The following RIMBP2 variants were observed in gnomAD, a reference collection of about 807,000 sequenced individuals.
RIMBP2 encodes the protein RIMS binding protein 2.
In RIMBP2, 48 loss-of-function variants were observed where a neutral mutation model predicts 118.6. The observed-to-expected ratio is 0.40, with a 90% CI of 0.32 to 0.51. RIMBP2 has a LOEUF of 0.51. Among genes scored for constraint, RIMBP2 ranks in the 20% least tolerant of loss-of-function variants. The probability of loss-of-function intolerance (pLI) is 0.41; values close to 1 mark genes in which losing one functional copy is unlikely to be tolerated. For synonymous variants in RIMBP2, 762 were observed against 742.9 expected, an observed-to-expected ratio of 1.03 and a Z score of -0.42; for missense variants, 1,551 against 1,768.3, an observed-to-expected ratio of 0.88 and a Z score of 2.20.
At chr12:130,646,679 T>C (rs1477983827) in intron 1 of RIMBP2, among the ~76,000 whole-genome samples, 1 of 152,222 alleles carries the variant, frequency 6.6e-6, no homozygotes, top group African/African-American at 2.4e-5. Context: ...AAGCCCTATC[T>C]AAAACTTAAA....
intron 17 of RIMBP2, 128 bp from the exon 18 acceptor site, chr12:130,414,434 A>G (rs564021119): frequency 4.5e-6 from 4 of 882,412 alleles, no homozygotes; most frequent in Non-Finnish European, 6.9e-6. Flanking sequence ...TTTGTGTCTT[A>G]ACATGTAGGT....
Position 130,595,555 on chromosome 12 carries a change from T to A in RIMBP2, c.-217+32767A>T, listed in dbSNP as rs573096954. ...ACAGCGCAAGACTCCGTCTCAAAAA[T>A]AATAATAATAATAATAAAATAAAAA... On this transcript the variant is annotated intron_variant, in intron 2 of 22. Transcript: ENST00000690449. 3.3e-5 allele frequency among the ~76,000 whole-genome samples: 5 copies of A among 151,322 alleles called. No homozygotes were observed. The East Asian group carries it at 9.7e-4, about 29-fold the overall frequency.
intron 6 of RIMBP2, among the ~76,000 whole-genome samples, chr12:130,460,152 G>T (rs993782602): frequency 1.3e-5 from 2 of 152,136 alleles, no homozygotes; most frequent in South Asian, 4.2e-4. Context: ...CCCTGCACAG[G>T]GGCCGCTGTG....
chr12:130,673,796 A>G (rs2064308647), intron 1 of RIMBP2, among the ~76,000 whole-genome samples: 1 of 152,068 alleles, frequency 6.6e-6, no homozygotes, highest in Admixed American at 6.6e-5. Flanking sequence ...AGTTACTGTG[A>G]GAGCTGGTTG....
chr12:130,661,033 A>G (rs2063638106), intron 1 of RIMBP2, among the ~76,000 whole-genome samples: 1 of 152,248 alleles, frequency 6.6e-6, no homozygotes, highest in Non-Finnish European at 1.5e-5. Flanking sequence ...AGCCTGGCCA[A>G]CATGGCAAGA....
chr12:130,693,641 A>C (rs2065437931), intron 1 of RIMBP2, among the ~76,000 whole-genome samples: 1 of 152,196 alleles, frequency 6.6e-6, no homozygotes, highest in South Asian at 2.1e-4. Context: ...TCTCCTTTCT[A>C]ACAGAACCCA....
At chr12:130,399,130 C>G (rs770987875) in intron 22 of RIMBP2, 1 of 1,396,126 alleles carries the variant, frequency 7.2e-7, no homozygotes, top group Non-Finnish European at 9.4e-7. Context: ...GGCTACATTG[C>G]CTGATTAAGG....
At chr12:130,572,560 G>C (rs1278056585) in intron 2 of RIMBP2, among the ~76,000 whole-genome samples, 1 of 152,016 alleles carries the variant, frequency 6.6e-6, no homozygotes, top group African/African-American at 2.4e-5. Flanking sequence ...GAACTTGCTG[G>C]ATGATTCTAG....
chr12:130,670,321 C>T lies in RIMBP2; in HGVS notation c.-351-41865G>A, dbSNP rs994781614. On this transcript the variant is annotated intron_variant, in intron 1 of 22. Coordinates refer to ENST00000690449, the MANE Select transcript of RIMBP2 (RefSeq NM_001393629.1). This position sits in a 1 kb window ranked among gnomAD's most constrained non-coding sequence, Gnocchi z 4.9. ...TTTATGGTGATTTCTTACTGATGGA[C>T]GTTCTAGGAAGGCATGGAGAAGCGG... 4.6e-5 allele frequency among the ~76,000 whole-genome samples: 7 copies of T among 152,120 alleles called. No individual in the cohort carries two copies. Among genetic ancestry groups the T allele is most frequent in the African/African-American group, 1.2e-4 (5 of 41,438 alleles).
Position 130,450,298 on chromosome 12 carries a change from T to C in RIMBP2, c.505-22A>G. ...CCATCTGTGAAAAAGGCAATGGGTG[T>C]GTGGGTTATTGAAGCTGGAGGTGTC... On this transcript the variant is annotated intron_variant, in intron 8 of 22. Coordinates refer to ENST00000690449, the MANE Select transcript of RIMBP2 (RefSeq NM_001393629.1). The surrounding 1 kb of genome is among the most constrained non-coding windows in gnomAD (Gnocchi z 4.8). 6.3e-7 allele frequency: 1 copy of C among 1,575,578 alleles called. No individual in the cohort carries two copies. Among genetic ancestry groups the C allele is most frequent in the Non-Finnish European group, 8.7e-7 (1 of 1,151,092 alleles).
At chr12:130,507,314 G>A (rs1253165869) in intron 3 of RIMBP2, among the ~76,000 whole-genome samples, 1 of 152,148 alleles carries the variant, frequency 6.6e-6, no homozygotes. Flanking sequence ...CATCATTTGA[G>A]CACCCAAATC....
At chr12:130,543,891 T>C (rs1201376965) in intron 2 of RIMBP2, among the ~76,000 whole-genome samples, 1 of 152,252 alleles carries the variant, frequency 6.6e-6, no homozygotes, top group African/African-American at 2.4e-5. Context: ...TTTGGAAACC[T>C]GTCCTGCTAG....
chr12:130,438,494 A>G lies in RIMBP2; in HGVS notation c.1527T>C (p.Asp509=). 6.2e-7 allele frequency: 1 copy of G among 1,608,064 alleles called. No individual in the cohort carries two copies. Among genetic ancestry groups the G allele is most frequent in the Non-Finnish European group, 8.5e-7 (1 of 1,176,736 alleles). The change falls in exon 12 of 23, where the codon GAT becomes GAC. Residue 509 remains aspartate, a synonymous_variant. Coordinates refer to ENST00000690449, the MANE Select transcript of RIMBP2 (RefSeq NM_001393629.1). ...LPAGPPAPPQ[D]VTVQAGVTPA... is the part of the protein sequence containing the mutation. ...GGGTCACCCCAGCCTGGACGGTAAC[A>G]TCTTGTGGGGGTGCTGGGGGTCCTG...
chr12:130,675,231 C>T (rs1004283430), intron 1 of RIMBP2, among the ~76,000 whole-genome samples: 8 of 152,176 alleles, frequency 5.3e-5, no homozygotes, highest in South Asian at 4.1e-4. Context: ...CGGGTTTGTC[C>T]GCAGGCCTTC....
At chr12:130,461,830 T>C (rs1397158620) in intron 6 of RIMBP2, among the ~76,000 whole-genome samples, 2 of 152,170 alleles carry the variant, frequency 1.3e-5, no homozygotes, top group African/African-American at 4.8e-5. Flanking sequence ...GCACACCCCC[T>C]GTACAGCCTA....
chr12:130,489,169 C>T (rs2138382356), intron 4 of RIMBP2, among the ~76,000 whole-genome samples: 1 of 152,294 alleles, frequency 6.6e-6, no homozygotes, highest in African/African-American at 2.4e-5. Context: ...GTAACTTTTA[C>T]CCTTGTCTCT....
intron 4 of RIMBP2, among the ~76,000 whole-genome samples, chr12:130,495,761 A>G (rs1161508008): frequency 6.6e-6 from 1 of 152,172 alleles, no homozygotes; most frequent in East Asian, 1.9e-4. Context: ...AGCACCAGCC[A>G]CTATGTTAGA....
chr12:130,545,390 T>C (rs2055025374), intron 2 of RIMBP2, among the ~76,000 whole-genome samples: 1 of 147,572 alleles, frequency 6.8e-6, no homozygotes, highest in Admixed American at 6.9e-5. Flanking sequence ...GCCAAAAAAA[T>C]GTAAAATAAG....
intron 21 of RIMBP2, among the ~76,000 whole-genome samples, chr12:130,404,072 CAATT>C (rs1489354802): frequency 6.6e-6 from 1 of 151,936 alleles, no homozygotes; most frequent in African/African-American, 2.4e-5. Context: ...ATTAGTAAGA[CAATT>C]AAAAATGATG....
Sources: allele counts gnomAD v4.1 joint callset (sites outside exome capture counted in the v4.1 genomes callset), GRCh38; gene constraint gnomAD v4.1.1; non-coding constraint Gnocchi (gnomAD v3.1); transcripts MANE v1.5; gene names NCBI Gene and HGNC (gene_info 2026-07-23, HGNC 2026-07-21).